The following PASD1 variants were observed in gnomAD, a reference collection of about 807,000 sequenced individuals.
The protein encoded by PASD1 is PAS domain containing repressor 1.
PASD1 carries 13 observed loss-of-function variants against 58.8 expected under a neutral mutation model. That is an observed-to-expected ratio of 0.22 (90% CI 0.14 to 0.35). The LOEUF is 0.35. Among genes scored for constraint, PASD1 ranks in the 10% least tolerant of loss-of-function variants. PASD1 has a pLI of 1.00. For missense variants in PASD1, 734 were observed against 568.3 expected (o/e 1.29, Z -2.96); for synonymous variants, 236 against 216.7 (o/e 1.09, Z -0.78).
At chrX:151,625,104 A>G (rs1394091591) in intron 7 of PASD1, among the ~76,000 whole-genome samples, 3 of 112,089 alleles carry the variant, frequency 2.7e-5, no homozygotes, top group Non-Finnish European at 5.6e-5. Flanking sequence ...TGTTTGTTCC[A>G]TATTAGTGGA....
At chrX:151,599,362 G>A (rs1279882414) in intron 1 of PASD1, among the ~76,000 whole-genome samples, 2 of 112,872 alleles carry the variant, frequency 1.8e-5, no homozygotes, top group Non-Finnish European at 3.8e-5. Flanking sequence ...GGCAGCGGCC[G>A]GGCAGAGGGA....
At chrX:151,614,951 A>G (rs184405786) in intron 4 of PASD1, among the ~76,000 whole-genome samples, 2 of 112,242 alleles carry the variant, frequency 1.8e-5, no homozygotes, top group East Asian at 5.6e-4. Flanking sequence ...GGATACCAAA[A>G]CAGCTAAATG....
chrX:151,616,154 G>A (rs760559448), intron 4 of PASD1, among the ~76,000 whole-genome samples: 3 of 111,839 alleles, frequency 2.7e-5, no homozygotes, highest in Non-Finnish European at 5.6e-5. Flanking sequence ...CCATTGGGGA[G>A]GTTGGAGCAG....
intron 8 of PASD1, among the ~76,000 whole-genome samples, chrX:151,635,534 A>G (rs956545363): frequency 1.8e-5 from 2 of 112,073 alleles, no homozygotes; most frequent in Non-Finnish European, 3.8e-5. Context: ...TGTATTTGCA[A>G]CACTCTTTTC....
intron 15 of PASD1, 26 bp downstream of exon 15, chrX:151,674,212 T>G: frequency 8.3e-7 from 1 of 1,208,077 alleles, no homozygotes. Context: ...CTCCTTTTCC[T>G]TCCAGCGCAG....
At chrX:151,614,369 C>T (rs147109207) in intron 4 of PASD1, among the ~76,000 whole-genome samples, 1,130 of 111,310 alleles carry the variant, frequency 0.01, 18 homozygotes, top group African/African-American at 0.035. Context: ...ACATTGACAG[C>T]TAGATTACTT....
At chrX:151,627,962 T>A (rs1313979976) in intron 8 of PASD1, among the ~76,000 whole-genome samples, 1 of 112,360 alleles carries the variant, frequency 8.9e-6, no homozygotes, top group Non-Finnish European at 1.9e-5. Context: ...CCAGTGATGC[T>A]GAGCATTTTT....
Position 151,604,631 on chromosome X carries a change from C to T in PASD1, c.29-15C>T, listed in dbSNP as rs754502754. The T allele has an allele frequency of 8.6e-6, 10 of 1,156,729 alleles. No individual in the cohort carries two copies. The highest frequency in any genetic ancestry group is 6.6e-5 in the Admixed American group (3 of 45,431). On this transcript the variant is annotated splice_polypyrimidine_tract_variant and intron_variant, in intron 2 of 15. Transcript: ENST00000370357. The stretch of plus-strand genomic sequence containing the variant: ...ATGTGACACTGTTCTGTACTTTCTT[C>T]CTTTTTCTAAAAAGACAAAGTCAAT...
chrX:151,590,833 G>A (rs770027552), intron 1 of PASD1, among the ~76,000 whole-genome samples: 7 of 111,793 alleles, frequency 6.3e-5, no homozygotes, highest in Non-Finnish European at 1.3e-4. Flanking sequence ...CCGAAGTGCC[G>A]GGATTGCAGG....
chrX:151,661,107 C>A (rs1402627806), intron 10 of PASD1, among the ~76,000 whole-genome samples: 2 of 109,519 alleles, frequency 1.8e-5, no homozygotes, highest in Non-Finnish European at 3.8e-5. Context: ...GTGAGCCGAG[C>A]TCTTGCCACT....
chrX:151,667,763 A>G (rs1232526017), intron 11 of PASD1, among the ~76,000 whole-genome samples: 1 of 111,962 alleles, frequency 8.9e-6, no homozygotes, highest in Non-Finnish European at 1.9e-5. Context: ...TACCAGTACC[A>G]TGCTGTTTTG....
At chrX:151,651,122 A>G (rs2014123768) in intron 9 of PASD1, among the ~76,000 whole-genome samples, 1 of 112,140 alleles carries the variant, frequency 8.9e-6, no homozygotes, top group African/African-American at 3.2e-5. Flanking sequence ...CCTACCAGCC[A>G]TACTGGAAAT....
intron 8 of PASD1, among the ~76,000 whole-genome samples, chrX:151,629,254 G>A (rs928528586): frequency 9.0e-6 from 1 of 111,040 alleles, no homozygotes; most frequent in African/African-American, 3.3e-5. Context: ...TGAGTAGCTG[G>A]GATTACAGGC....
intron 8 of PASD1, among the ~76,000 whole-genome samples, chrX:151,628,930 G>A (rs1249765183): frequency 9.0e-6 from 1 of 111,119 alleles, no homozygotes; most frequent in African/African-American, 3.3e-5. Flanking sequence ...TGGATTCCTA[G>A]GTATTTTATT....
rs775392137 is a variant in PASD1, at chrX:151,623,002, C to T, written c.484C>T (p.Pro162Ser). 23 of 1,207,203 alleles carry T rather than the reference C, an allele frequency of 1.9e-5. No homozygotes were observed. The highest frequency in any genetic ancestry group is 2.2e-5 in the Non-Finnish European group (20 of 893,102). ...CTGTGCTGACTTTGCTGCATGTGTT[C>T]CTCAGGAGGATCGGCTTTATCTTGT... Reference protein sequence around the residue: ...HLCADFAACVPQEDRLYLVGN... With the variant: ...HLCADFAACVSQEDRLYLVGN... Residue 162 changes from proline to serine, a missense_variant, in exon 7 of 16, where the codon CCT becomes TCT. Physicochemically the swap from Pro to Ser is moderately conservative, Grantham distance 74. Coordinates refer to ENST00000370357, the MANE Select transcript of PASD1 (RefSeq NM_173493.3).
chrX:151,653,782 C>CTT (rs1308858398), intron 9 of PASD1, among the ~76,000 whole-genome samples: 23 of 15,725 alleles, frequency 1.5e-3, no homozygotes, highest in African/African-American at 3.5e-3. Context: ...TTCTTTCTTT[C>CTT]TTTCTTTCTT....
chrX:151,665,296 G>A (rs1370779224), intron 11 of PASD1, among the ~76,000 whole-genome samples: 1 of 112,315 alleles, frequency 8.9e-6, no homozygotes, highest in Non-Finnish European at 1.9e-5. Context: ...TCCTTATCAT[G>A]CCAAAAAGTT....
chrX:151,601,628 C>G, intron 2 of PASD1, 47 bp downstream of exon 2: 1 of 1,158,237 alleles, frequency 8.6e-7, no homozygotes, highest in South Asian at 1.9e-5. Flanking sequence ...CCCTCTCCCT[C>G]GTCCTGTGTT....
rs1279676246 is a variant in PASD1 at position 151,668,038 on chromosome X, CTA to C, written c.1072-2998_1072-2997del. ...ATTGCCCTGGCCAGAACTTGCAACACTATGTTGAATAGGAGTGGTGAGAGACG... is the reference window on the plus strand; with the variant it reads ...ATTGCCCTGGCCAGAACTTGCAACACTGTTGAATAGGAGTGGTGAGAGACG... On this transcript the variant is annotated intron_variant, in intron 11 of 15. Coordinates refer to ENST00000370357, the MANE Select transcript of PASD1 (RefSeq NM_173493.3). Among the ~76,000 whole-genome samples the C allele has an allele frequency of 9.1e-5, 10 of 110,486 alleles. No individual in the cohort carries two copies. The South Asian group carries it at 3.1e-3, about 34-fold the overall frequency.
Sources: allele counts gnomAD v4.1 joint callset (sites outside exome capture counted in the v4.1 genomes callset), GRCh38; gene constraint gnomAD v4.1.1; transcripts MANE v1.5; gene names NCBI Gene and HGNC (gene_info 2026-07-23, HGNC 2026-07-21).